BTBD9: variants seen among roughly 807,000 people sequenced by gnomAD.
BTBD9 encodes BTB/POZ domain-containing protein 9.
Under a neutral mutation model 64.3 loss-of-function variants are expected in BTBD9, and 49 were observed. That is an observed-to-expected ratio of 0.76 (90% CI 0.61 to 0.97). The LOEUF (loss-of-function observed/expected upper bound fraction) is 0.97, where lower values mean the gene tolerates loss of function less well. Ranked by LOEUF, BTBD9 falls within the 50% of genes least tolerant of loss-of-function variation. The probability of loss-of-function intolerance (pLI) is 0.00; values close to 1 mark genes in which losing one functional copy is unlikely to be tolerated. For missense variants in BTBD9, 598 were observed against 762.1 expected (o/e 0.78, Z 2.53); for synonymous variants, 260 against 274.7 (o/e 0.95, Z 0.53).
At position 38,625,998 on chromosome 6, in the gene BTBD9, G is replaced by C. The variant is rs1778150229; in HGVS notation, c.-28+13802C>G. 2.0e-5 allele frequency among the ~76,000 whole-genome samples: 3 copies of C among 152,126 alleles called. 1 individual carries two copies. The South Asian group carries it at 6.2e-4, about 32-fold the overall frequency. ...CAGGAGTCACCTGAAGGCTACAGAGGAATCACCTAACCCCAACTCTCATAA... is the reference window on the plus strand; with the variant it reads ...CAGGAGTCACCTGAAGGCTACAGAGCAATCACCTAACCCCAACTCTCATAA... On this transcript the variant is annotated intron_variant, in intron 1 of 10. Coordinates refer to ENST00000481247, the MANE Select transcript of BTBD9 (RefSeq NM_001099272.2).
At chr6:38,219,972 CATGTGTTG>C (rs1377460296) in intron 9 of BTBD9, among the ~76,000 whole-genome samples, 17 of 152,292 alleles carry the variant, frequency 1.1e-4, no homozygotes, top group African/African-American at 3.1e-4. Flanking sequence ...ATATCAGAGT[CATGTGTTG>C]ATGTGGCTTT....
At chr6:38,573,575 C>A (rs1027473087) in intron 6 of BTBD9, among the ~76,000 whole-genome samples, 1 of 152,144 alleles carries the variant, frequency 6.6e-6, no homozygotes, top group South Asian at 2.1e-4. Context: ...CCTCTCTCAA[C>A]GGGCATAACC....
intron 6 of BTBD9, among the ~76,000 whole-genome samples, chr6:38,485,248 C>A (rs571187213): frequency 6.6e-6 from 1 of 152,334 alleles, no homozygotes; most frequent in African/African-American, 2.4e-5. Flanking sequence ...TCAGACTACA[C>A]TTACTGCTGT....
At chr6:38,585,054 T>TAA (rs200494998) in intron 4 of BTBD9, among the ~76,000 whole-genome samples, 1 of 146,538 alleles carries the variant, frequency 6.8e-6, no homozygotes, top group African/African-American at 2.5e-5. Flanking sequence ...CCTATTAAAT[T>TAA]AAAAAAAAAA....
intron 6 of BTBD9, among the ~76,000 whole-genome samples, chr6:38,431,950 G>C (rs1768462580): frequency 6.6e-6 from 1 of 151,872 alleles, no homozygotes; most frequent in Non-Finnish European, 1.5e-5. Flanking sequence ...TGGAAATCTG[G>C]TACCTGGTCC....
Position 38,256,403 on chromosome 6 carries a change from A to C in BTBD9, c.1562+6T>G. On this transcript the variant is annotated splice_donor_region_variant and intron_variant, in intron 9 of 10. Transcript: ENST00000481247. Reference sequence around the variant, plus strand: ...AGGAATAAATTCCTGAAAAGACACAACTTACTTGCAGGAGACTTTAGTTCT... The same window carrying C: ...AGGAATAAATTCCTGAAAAGACACACCTTACTTGCAGGAGACTTTAGTTCT... 1 of 1,602,354 alleles carries C rather than the reference A, an allele frequency of 6.2e-7. No individual in the cohort carries two copies. Among genetic ancestry groups the C allele is most frequent in the African/African-American group, 1.3e-5 (1 of 74,820 alleles).
At chr6:38,468,654 T>C (rs1770502913) in intron 6 of BTBD9, among the ~76,000 whole-genome samples, 1 of 152,242 alleles carries the variant, frequency 6.6e-6, no homozygotes, top group Non-Finnish European at 1.5e-5. Context: ...TTCTCCTCTG[T>C]AACTCTCAAG....
At position 38,573,986 on chromosome 6, in the gene BTBD9, T is replaced by G. The variant is rs575452881; in HGVS notation, c.1154+3614A>C. ...TTGCCTTTCCTGAGAAAGAAAAGGC[T>G]GATAAGACATAACATGGTTCTCAAG... On this transcript the variant is annotated intron_variant, in intron 6 of 10. Transcript: ENST00000481247. 3.3e-5 allele frequency among the ~76,000 whole-genome samples: 5 copies of G among 152,292 alleles called. No individual in the cohort carries two copies. The East Asian group carries it at 9.6e-4, about 29-fold the overall frequency.
intron 7 of BTBD9, among the ~76,000 whole-genome samples, chr6:38,334,636 T>A (rs199686229): frequency 6.9e-6 from 1 of 143,896 alleles, no homozygotes; most frequent in African/African-American, 2.7e-5. Context: ...ATAAAATAAA[T>A]AAAATAATAA....
chr6:38,548,734 G>A (rs970560355), intron 6 of BTBD9, among the ~76,000 whole-genome samples: 1 of 152,120 alleles, frequency 6.6e-6, no homozygotes, highest in Non-Finnish European at 1.5e-5. Flanking sequence ...ATTGTTAAGG[G>A]TCATTGTCAA....
At chr6:38,529,465 A>G (rs1773679524) in intron 6 of BTBD9, among the ~76,000 whole-genome samples, 1 of 152,178 alleles carries the variant, frequency 6.6e-6, no homozygotes, top group Admixed American at 6.5e-5. Context: ...CCTTCCCAAG[A>G]AGGACAGATA....
At position 38,410,268 on chromosome 6, in the gene BTBD9, A is replaced by G. The variant is rs553850086; in HGVS notation, c.1155-65175T>C. Among the ~76,000 whole-genome samples the G allele has an allele frequency of 2.0e-5, 3 of 151,644 alleles. No homozygotes were observed. In the South Asian group the frequency reaches 6.3e-4, roughly 32 times the overall value. On this transcript the variant is annotated intron_variant, in intron 6 of 10. Transcript: ENST00000481247. Reference sequence around the variant, plus strand: ...GGAGGATCACTTGAGTCTAGTAATCACTTGAGACCACCCTGGGCAACTGTG... The same window carrying G: ...GGAGGATCACTTGAGTCTAGTAATCGCTTGAGACCACCCTGGGCAACTGTG...
chr6:38,416,234 C>T (rs10456099), intron 6 of BTBD9, among the ~76,000 whole-genome samples: 36,689 of 151,856 alleles, frequency 0.24, 5,606 homozygotes, highest in Non-Finnish European at 0.36. Flanking sequence ...GGATAACAGG[C>T]GTGAGCTACC....
chr6:38,324,595 G>T (rs1043429013), intron 7 of BTBD9, among the ~76,000 whole-genome samples: 1 of 152,146 alleles, frequency 6.6e-6, no homozygotes, highest in African/African-American at 2.4e-5. Flanking sequence ...TAGGGTAACA[G>T]CAGTAGTGGT....
chr6:38,639,605 G>T (rs374832899), intron 1 of BTBD9, among the ~76,000 whole-genome samples, 195 bp downstream of exon 1: 11 of 152,136 alleles, frequency 7.2e-5, no homozygotes, highest in African/African-American at 2.7e-4. Context: ...ACTGCGAACG[G>T]GACGGCTACC....
At chr6:38,227,522 G>T (rs778376031) in intron 9 of BTBD9, among the ~76,000 whole-genome samples, 1 of 152,218 alleles carries the variant, frequency 6.6e-6, no homozygotes, top group Non-Finnish European at 1.5e-5. Context: ...GCCTGATGAG[G>T]CTGGGAAGGA....
chr6:38,312,049 C>T (rs981156989), intron 7 of BTBD9, among the ~76,000 whole-genome samples: 1 of 151,914 alleles, frequency 6.6e-6, no homozygotes. Flanking sequence ...TTAGTAGAGA[C>T]GTGGTTTCAC....
intron 9 of BTBD9, among the ~76,000 whole-genome samples, chr6:38,194,782 C>T (rs921024744): frequency 3.9e-5 from 6 of 152,168 alleles, no homozygotes; most frequent in Non-Finnish European, 8.8e-5. Context: ...CTCTTGCCTC[C>T]ACTCTCCTCT....
intron 6 of BTBD9, among the ~76,000 whole-genome samples, chr6:38,460,037 T>C (rs1279521095): frequency 6.6e-6 from 1 of 152,214 alleles, no homozygotes; most frequent in African/African-American, 2.4e-5. Flanking sequence ...TAGAAAATCC[T>C]AGCAAAACAG....
Sources: gnomAD v4.1 joint callset for allele counts (sites outside exome capture counted in the v4.1 genomes callset) on GRCh38, gnomAD v4.1.1 for gene constraint, MANE v1.5 for transcripts, NCBI Gene and HGNC (gene_info 2026-07-23, HGNC 2026-07-21) for gene names.